Variants in CHM observed in about 807,000 individuals in gnomAD.
CHM encodes the protein CHM Rab escort protein.
In CHM, 10 loss-of-function variants were observed where a neutral mutation model predicts 49.0. That is an observed-to-expected ratio of 0.20 (90% CI 0.13 to 0.35). The LOEUF (loss-of-function observed/expected upper bound fraction) is 0.35, where lower values mean the gene tolerates loss of function less well. Among genes scored for constraint, CHM ranks in the 10% least tolerant of loss-of-function variants. The probability of loss-of-function intolerance (pLI) is 1.00; values close to 1 mark genes in which losing one functional copy is unlikely to be tolerated. For synonymous variants in CHM, 184 were observed against 167.5 expected (o/e 1.10, Z -0.76); for missense variants, 455 against 478.4 (o/e 0.95, Z 0.46).
chrX:85,907,957 G>A (rs7887926), intron 9 of CHM, among the ~76,000 whole-genome samples: 26,999 of 110,639 alleles, frequency 0.24, 2,485 homozygotes, highest in African/African-American at 0.29. Context: ...ACAGTGGGGA[G>A]TGGAGACTGA....
intron 4 of CHM, among the ~76,000 whole-genome samples, chrX:85,974,378 A>C (rs1465090706): frequency 1.8e-5 from 2 of 112,036 alleles, no homozygotes; most frequent in Non-Finnish European, 3.8e-5. Flanking sequence ...ATTTTTCTTT[A>C]GACATAGACA....
At chrX:85,907,633 C>T (rs1013950613) in intron 9 of CHM, among the ~76,000 whole-genome samples, 1 of 111,832 alleles carries the variant, frequency 8.9e-6, no homozygotes, top group Non-Finnish European at 1.9e-5. Context: ...GTTACATATT[C>T]CATATACCAT....
At chrX:85,897,086 A>ATATAT (rs764341872) in intron 11 of CHM, among the ~76,000 whole-genome samples, 6,263 of 86,963 alleles carry the variant, frequency 0.072, 559 homozygotes, top group African/African-American at 0.26. Context: ...TAATTACATA[A>ATATAT]TATATAATAT....
chrX:85,961,730 G>C (rs760324142), intron 5 of CHM, among the ~76,000 whole-genome samples: 2 of 111,394 alleles, frequency 1.8e-5, no homozygotes, highest in African/African-American at 6.5e-5. Flanking sequence ...TTTGTAGAAC[G>C]TATGAACCCA....
intron 14 of CHM, among the ~76,000 whole-genome samples, chrX:85,869,029 C>T (rs1923884048): frequency 8.9e-6 from 1 of 111,850 alleles, no homozygotes; most frequent in Non-Finnish European, 1.9e-5. Context: ...CAGAATGTTT[C>T]AATTCTACTG....
At chrX:85,995,626 C>G (rs1384760708) in intron 2 of CHM, among the ~76,000 whole-genome samples, 5 of 112,194 alleles carry the variant, frequency 4.5e-5, no homozygotes, top group African/African-American at 1.6e-4. Context: ...TATTTCAATT[C>G]TCTGAGTTTG....
At chrX:85,957,389 T>A (rs1039186764) in intron 7 of CHM, among the ~76,000 whole-genome samples, 1 of 110,784 alleles carries the variant, frequency 9.0e-6, no homozygotes, top group South Asian at 3.8e-4. Context: ...ATATACCATC[T>A]AGCCTTTTTT....
intron 12 of CHM, among the ~76,000 whole-genome samples, chrX:85,887,810 GC>G (rs879181767): frequency 9.0e-6 from 1 of 111,307 alleles, no homozygotes; most frequent in Non-Finnish European, 1.9e-5. Context: ...GCAGCATTTT[GC>G]CCCTGCCCTA....
At chrX:85,902,717 C>T (rs1305530282) in intron 9 of CHM, among the ~76,000 whole-genome samples, 1 of 111,551 alleles carries the variant, frequency 9.0e-6, no homozygotes, top group Non-Finnish European at 1.9e-5. Flanking sequence ...AAGTAATTCA[C>T]TCAGTCTTCT....
In CHM at chrX:85,931,612, C is replaced by T. The variant is rs756169989; in HGVS notation, c.1167-20274G>A. On this transcript the variant is annotated intron_variant, in intron 8 of 14. Coordinates refer to ENST00000357749, the MANE Select transcript of CHM (RefSeq NM_000390.4). Reference sequence around the variant, plus strand: ...TTACGGATCTACTATGAATTTCATGCTTCGTTTTATAATATAGTGGTCTTA... The same window carrying T: ...TTACGGATCTACTATGAATTTCATGTTTCGTTTTATAATATAGTGGTCTTA... Among the ~76,000 whole-genome samples, 10 of 111,289 alleles carry T rather than the reference C, an allele frequency of 9.0e-5. No homozygotes were observed. The South Asian group carries it at 2.3e-3, about 25-fold the overall frequency.
At chrX:85,870,458 C>T (rs891101090) in intron 14 of CHM, among the ~76,000 whole-genome samples, 1 of 112,040 alleles carries the variant, frequency 8.9e-6, no homozygotes, top group Non-Finnish European at 1.9e-5. Flanking sequence ...TAAAACAATG[C>T]TCTAAATGGT....
At chrX:86,023,106 T>C (rs1019321494) in intron 2 of CHM, among the ~76,000 whole-genome samples, 3 of 111,507 alleles carry the variant, frequency 2.7e-5, no homozygotes, top group Admixed American at 1.9e-4. Flanking sequence ...ACCTAGCAAG[T>C]CTGCCTACCT....
chrX:85,955,293 T>C (rs899566185), intron 8 of CHM, among the ~76,000 whole-genome samples: 3 of 112,010 alleles, frequency 2.7e-5, no homozygotes, highest in Non-Finnish European at 3.8e-5. Flanking sequence ...AAGGGATGGA[T>C]ACTCCATTTA....
chrX:85,986,735 G>A (rs1468970589), intron 2 of CHM, among the ~76,000 whole-genome samples: 2 of 111,875 alleles, frequency 1.8e-5, no homozygotes, highest in Non-Finnish European at 3.8e-5. Context: ...ATCAATGCAC[G>A]AACTCGGGTA....
intron 2 of CHM, among the ~76,000 whole-genome samples, chrX:86,000,513 CA>C (rs754600557): frequency 2.7e-4 from 16 of 58,871 alleles, no homozygotes; most frequent in South Asian, 1.2e-3. Flanking sequence ...GGAATATATT[CA>C]AAAAAAAAAA....
chrX:86,003,659 T>C (rs1175399048), intron 2 of CHM, among the ~76,000 whole-genome samples: 1 of 111,461 alleles, frequency 9.0e-6, no homozygotes, highest in Non-Finnish European at 1.9e-5. Context: ...AGAAAGGGTA[T>C]CAGTGACTGA....
chrX:85,944,090 T>C (rs1339552453), intron 8 of CHM, among the ~76,000 whole-genome samples: 5 of 111,869 alleles, frequency 4.5e-5, no homozygotes, highest in South Asian at 7.4e-4. Context: ...TCACATGCAG[T>C]TGAATATATA....
At chrX:85,901,650 T>G (rs1003024908) in intron 9 of CHM, among the ~76,000 whole-genome samples, 1 of 111,951 alleles carries the variant, frequency 8.9e-6, no homozygotes, top group Admixed American at 9.5e-5. Flanking sequence ...TATTTTTCTG[T>G]TAAATGTTGG....
intron 12 of CHM, among the ~76,000 whole-genome samples, chrX:85,881,315 C>A (rs1924745348): frequency 9.0e-6 from 1 of 111,150 alleles, no homozygotes; most frequent in Admixed American, 9.6e-5. Context: ...TTATTTAAAT[C>A]TGTCTGAGAA....
Sources: gnomAD v4.1 joint callset for allele counts (sites outside exome capture counted in the v4.1 genomes callset) on GRCh38, gnomAD v4.1.1 for gene constraint, MANE v1.5 for transcripts, NCBI Gene and HGNC (gene_info 2026-07-23, HGNC 2026-07-21) for gene names.